KALRN: variants seen among roughly 807,000 people sequenced by gnomAD.
KALRN encodes kalirin RhoGEF kinase.
Under a neutral mutation model 353.7 loss-of-function variants are expected in KALRN, and 70 were observed. The ratio of observed to expected loss-of-function variants is 0.20; its 90% confidence interval spans 0.16 to 0.24. The LOEUF is 0.24. Ranked by LOEUF, KALRN falls within the 10% of genes least tolerant of loss-of-function variation. The pLI, the probability that KALRN is intolerant of heterozygous loss-of-function variation, is 1.00. For missense variants in KALRN, 2,791 were observed against 3,756.7 expected (o/e 0.74, Z 6.72); for synonymous variants, 1,391 against 1,434.8 (o/e 0.97, Z 0.69).
intron 1 of KALRN, among the ~76,000 whole-genome samples, chr3:124,180,092 C>G (rs1264702459): frequency 6.6e-6 from 1 of 151,892 alleles, no homozygotes; most frequent in Non-Finnish European, 1.5e-5. Context: ...CCTGGGGTAA[C>G]TGCTTGTGTG....
At chr3:124,586,608 G>A (rs1257693837) in intron 34 of KALRN, among the ~76,000 whole-genome samples, 1 of 152,236 alleles carries the variant, frequency 6.6e-6, no homozygotes, top group African/African-American at 2.4e-5. Context: ...CTGGCTCCGT[G>A]GCTAGGAGAG....
chr3:124,176,301 G>A lies in KALRN; in HGVS notation c.74-51689G>A, dbSNP rs530045962. ...AGGGAACCCACCCTGAGGAAGCCCC[G>A]CAGTAGTAGTTGTTGAAGTGATCAT... is the stretch of plus-strand genomic sequence containing the variant. On this transcript the variant is annotated intron_variant, in intron 1 of 59. Transcript: ENST00000682506. Among the ~76,000 whole-genome samples the A allele has an allele frequency of 4.6e-5, 7 of 152,276 alleles. No homozygotes were observed. The South Asian group carries it at 8.3e-4, about 18-fold the overall frequency.
At chr3:124,533,980 G>A (rs998623366) in intron 33 of KALRN, among the ~76,000 whole-genome samples, 3 of 152,122 alleles carry the variant, frequency 2.0e-5, no homozygotes, top group African/African-American at 7.2e-5. Context: ...TTGATAGCAC[G>A]TACCCTTGAT....
chr3:124,689,212 T>C (rs1332068251), intron 51 of KALRN, among the ~76,000 whole-genome samples: 2 of 152,192 alleles, frequency 1.3e-5, no homozygotes, highest in Admixed American at 1.3e-4. Context: ...TGTTTTCTTT[T>C]TTTTATTTTT....
chr3:124,455,005 G>A (rs919469460), intron 21 of KALRN, 172 bp from the exon 22 acceptor site: 1 of 626,660 alleles, frequency 1.6e-6, no homozygotes. Context: ...GGCACAGAGG[G>A]TTTCAATAAC....
intron 33 of KALRN, 31 bp from the exon 34 acceptor site, chr3:124,562,810 CTG>C: frequency 7.6e-7 from 1 of 1,318,340 alleles, no homozygotes; most frequent in Non-Finnish European, 1.0e-6. Flanking sequence ...CCATGCCCTC[CTG>C]TTCTACTCCC....
intron 4 of KALRN, among the ~76,000 whole-genome samples, chr3:124,266,050 G>A (rs779058684): frequency 1.4e-4 from 21 of 152,178 alleles, no homozygotes; most frequent in Non-Finnish European, 1.9e-4. Flanking sequence ...GGGAGGCGGA[G>A]GTTGCAGTGA....
At chr3:124,175,993 G>A (rs1403393412) in intron 1 of KALRN, among the ~76,000 whole-genome samples, 1 of 151,924 alleles carries the variant, frequency 6.6e-6, no homozygotes, top group Non-Finnish European at 1.5e-5. Flanking sequence ...TCTCTTCTGG[G>A]GCTCTTTCAT....
Position 124,234,956 on chromosome 3 carries a change from G to A in KALRN, c.263+13G>A, listed in dbSNP as rs1156719943. On this transcript the variant is annotated intron_variant, in intron 3 of 59. Coordinates refer to ENST00000682506, the MANE Select transcript of KALRN (RefSeq NM_001388419.1). Reference sequence around the variant, plus strand: ...CCAGCGTGCCAAGGTAAGGGGAAGGGGAATGGCCTGCAGGGGAGCGGGAGG... The same window carrying A: ...CCAGCGTGCCAAGGTAAGGGGAAGGAGAATGGCCTGCAGGGGAGCGGGAGG... 1 of 1,575,064 alleles carries A rather than the reference G, an allele frequency of 6.3e-7. No homozygotes were observed. Among genetic ancestry groups the A allele is most frequent in the Non-Finnish European group, 8.7e-7 (1 of 1,155,170 alleles).
intron 51 of KALRN, among the ~76,000 whole-genome samples, chr3:124,686,446 T>C (rs903107362): frequency 6.6e-6 from 1 of 152,216 alleles, no homozygotes. Flanking sequence ...TGGTCATTGA[T>C]TCACTGGGCA....
chr3:124,366,844 C>G (rs1331901122), intron 10 of KALRN, among the ~76,000 whole-genome samples: 1 of 146,038 alleles, frequency 6.8e-6, no homozygotes, highest in Non-Finnish European at 1.5e-5. Flanking sequence ...CTGACCCCCC[C>G]ACCTCCCTCC....
intron 33 of KALRN, among the ~76,000 whole-genome samples, chr3:124,557,888 G>C (rs1215074071): frequency 1.1e-4 from 17 of 152,162 alleles, no homozygotes; most frequent in Admixed American, 1.1e-3. Context: ...TTGAGGGCAG[G>C]TATCAGATTC....
At position 124,660,947 on chromosome 3, in the gene KALRN, G is replaced by T. The variant is rs987476258; in HGVS notation, c.6241G>T (p.Ala2081Ser). The T allele has an allele frequency of 1.2e-6, 2 of 1,611,058 alleles. No individual in the cohort carries two copies. The highest frequency in any genetic ancestry group is 1.1e-5 in the South Asian group (1 of 91,020). Residue 2081 changes from alanine (A) to serine (S), a missense_variant, in exon 44 of 60, where the codon GCT (alanine) becomes TCT (serine). Physicochemically the swap from Ala to Ser is moderately conservative, Grantham distance 99. Coordinates refer to ENST00000682506, the MANE Select transcript of KALRN (RefSeq NM_001388419.1). ...GGACTTCCTGAGATACAGTGAGAAG[G>T]CTGGTTTGGAGTGTTCAGATATTGA... ...LKDFLRYSEK[A>S]GLECSDIEKA...
chr3:124,479,052 G>A (rs933362101), intron 27 of KALRN, among the ~76,000 whole-genome samples: 1 of 152,208 alleles, frequency 6.6e-6, no homozygotes, highest in Non-Finnish European at 1.5e-5. Context: ...TTTGGCAGGT[G>A]AACAATGCAC....
At chr3:124,494,364 C>A (rs1259424495) in intron 32 of KALRN, among the ~76,000 whole-genome samples, 6 of 152,336 alleles carry the variant, frequency 3.9e-5, no homozygotes, top group African/African-American at 9.6e-5. Flanking sequence ...CACATCCCCC[C>A]AGAAGTGGCT....
At chr3:124,214,252 C>T (rs374444440) in intron 1 of KALRN, among the ~76,000 whole-genome samples, 14 of 151,834 alleles carry the variant, frequency 9.2e-5, no homozygotes, top group Non-Finnish European at 1.2e-4. Flanking sequence ...AACAATATAC[C>T]GGAAAATTTC....
intron 23 of KALRN, among the ~76,000 whole-genome samples, chr3:124,458,443 C>G (rs1014951877): frequency 6.6e-6 from 1 of 152,096 alleles, no homozygotes; most frequent in Non-Finnish European, 1.5e-5. Flanking sequence ...TTATCTACAG[C>G]CCCCACTGTC....
chr3:124,082,253 G>A (rs1394976111), intron 1 of KALRN: 3 of 470,668 alleles, frequency 6.4e-6, no homozygotes, highest in Non-Finnish European at 1.3e-5. Context: ...TCATTTTTAG[G>A]GCAACTAGTA....
intron 31 of KALRN, 58 bp from the exon 32 acceptor site, chr3:124,492,682 G>A (rs2063298105): frequency 1.9e-6 from 3 of 1,577,184 alleles, no homozygotes; most frequent in Admixed American, 1.7e-5. Context: ...GTTGAGAACT[G>A]TTTTTGGTAA....
Sources: gnomAD v4.1 joint callset for allele counts (sites outside exome capture counted in the v4.1 genomes callset) on GRCh38, gnomAD v4.1.1 for gene constraint, MANE v1.5 for transcripts, NCBI Gene and HGNC (gene_info 2026-07-23, HGNC 2026-07-21) for gene names.